Variants in TENM3 observed in about 807,000 individuals in gnomAD.
TENM3 encodes teneurin transmembrane protein 3, also known as teneurin-3.
A neutral mutation model predicts 255.1 loss-of-function variants in TENM3; 63 were observed. That is an observed-to-expected ratio of 0.25 (90% CI 0.20 to 0.30). The LOEUF is 0.30. TENM3 is among the 10% of genes least tolerant of loss of function. The probability of loss-of-function intolerance (pLI) is 1.00; values close to 1 mark genes in which losing one functional copy is unlikely to be tolerated. For missense variants in TENM3, 2,929 were observed against 3,461.1 expected (o/e 0.85, Z 3.86); for synonymous variants, 1,306 against 1,322.3 (o/e 0.99, Z 0.27).
intron 3 of TENM3, among the ~76,000 whole-genome samples, chr4:182,460,302 T>C (rs986086022): frequency 6.6e-6 from 1 of 152,190 alleles, no homozygotes; most frequent in African/African-American, 2.4e-5. Context: ...TATATTAGAC[T>C]TATCTGTTTA....
chr4:182,709,244 A>T (rs1758563215), intron 12 of TENM3, among the ~76,000 whole-genome samples: 1 of 152,046 alleles, frequency 6.6e-6, no homozygotes, highest in Non-Finnish European at 1.5e-5. Flanking sequence ...CAGCCTCCCA[A>T]AGTGCAAAGA....
rs142042668 is a variant in TENM3 at position 182,766,847 on chromosome 4, G to A, written c.4893-6625G>A. Among the ~76,000 whole-genome samples, 313 of 152,232 alleles carry A rather than the reference G, an allele frequency of 2.1e-3. 2 individuals are homozygous for A. The highest frequency in any genetic ancestry group is 7.4e-3 in the African/African-American group (306 of 41,542). ...CATCAGCAAGACCTCCTAATTAAATGCAGCAGCAACAAAGACATTCGCATT... is the reference window on the plus strand; with the variant it reads ...CATCAGCAAGACCTCCTAATTAAATACAGCAGCAACAAAGACATTCGCATT... On this transcript the variant is annotated intron_variant, in intron 22 of 27. Transcript: ENST00000511685.
intron 12 of TENM3, among the ~76,000 whole-genome samples, chr4:182,708,587 C>G: frequency 6.6e-6 from 1 of 152,102 alleles, no homozygotes; most frequent in East Asian, 1.9e-4. Flanking sequence ...ATCATGAGGT[C>G]AGGAGATCGA....
intron 4 of TENM3, among the ~76,000 whole-genome samples, chr4:182,608,043 C>A (rs781248382): frequency 3.9e-5 from 6 of 152,198 alleles, no homozygotes; most frequent in Non-Finnish European, 5.9e-5. Context: ...CTCTTCCTCT[C>A]GAGCAACTGT....
the TENM3 span, among the ~76,000 whole-genome samples, chr4:181,743,562 G>A: frequency 6.6e-6 from 1 of 152,124 alleles, no homozygotes; most frequent in East Asian, 1.9e-4. Context: ...GAAAGAAGCT[G>A]ATGCAAATGC....
chr4:182,271,840 TA>T (rs1274653825), intron 1 of TENM3, among the ~76,000 whole-genome samples: 1 of 152,228 alleles, frequency 6.6e-6, no homozygotes, highest in Non-Finnish European at 1.5e-5. Flanking sequence ...CAGGAGGGTC[TA>T]AAAGTCTAAT....
the TENM3 span, among the ~76,000 whole-genome samples, chr4:182,091,526 G>A: frequency 3.3e-5 from 5 of 152,164 alleles, no homozygotes; most frequent in Non-Finnish European, 5.9e-5. Context: ...CAAAGGAGGA[G>A]ACCTGCGTAC....
intron 24 of TENM3, 110 bp downstream of exon 24, chr4:182,775,263 G>A (rs1166457000): frequency 1.1e-6 from 1 of 934,854 alleles, no homozygotes. Context: ...CACTGAGTAT[G>A]AGCACCTCGC....
At chr4:182,725,895 C>G (rs1288296694) in intron 13 of TENM3, among the ~76,000 whole-genome samples, 2 of 152,118 alleles carry the variant, frequency 1.3e-5, no homozygotes, top group African/African-American at 4.8e-5. Flanking sequence ...GCCTCGGCCT[C>G]CCAAAGTGCT....
chr4:181,512,807 G>A, the TENM3 span, among the ~76,000 whole-genome samples: 1 of 152,172 alleles, frequency 6.6e-6, no homozygotes, highest in Non-Finnish European at 1.5e-5. Context: ...CAGTTCCTAT[G>A]TAATGCATCA....
At chr4:181,813,381 T>C in the TENM3 span, among the ~76,000 whole-genome samples, 1 of 152,114 alleles carries the variant, frequency 6.6e-6, no homozygotes, top group Non-Finnish European at 1.5e-5. Flanking sequence ...CAGTTAACAA[T>C]CAAGCACGTT....
chr4:182,642,207 G>A (rs949384982), intron 5 of TENM3, among the ~76,000 whole-genome samples: 9 of 152,168 alleles, frequency 5.9e-5, no homozygotes, highest in Non-Finnish European at 1.0e-4. Context: ...ATTGGAGGAT[G>A]AATCCTTCTT....
chr4:182,645,289 A>G (rs1159803866), intron 5 of TENM3, among the ~76,000 whole-genome samples: 2 of 152,050 alleles, frequency 1.3e-5, no homozygotes, highest in African/African-American at 4.8e-5. Flanking sequence ...AGTTTGAAGT[A>G]TAGCCCAGTC....
intron 13 of TENM3, among the ~76,000 whole-genome samples, chr4:182,720,203 A>T (rs1455166907): frequency 6.6e-6 from 1 of 152,220 alleles, no homozygotes; most frequent in Non-Finnish European, 1.5e-5. Flanking sequence ...AGAGATCTAT[A>T]TTTGTAGATT....
chr4:181,562,976 T>G, the TENM3 span, among the ~76,000 whole-genome samples: 20 of 152,186 alleles, frequency 1.3e-4, no homozygotes, highest in Non-Finnish European at 2.5e-4. Flanking sequence ...TGCCGGGCCC[T>G]TCTTAGGGCC....
chr4:182,497,461 A>G (rs1735886432), intron 3 of TENM3, among the ~76,000 whole-genome samples: 1 of 152,228 alleles, frequency 6.6e-6, no homozygotes, highest in Non-Finnish European at 1.5e-5. Flanking sequence ...GAATTTAAGT[A>G]TAGTGTGTCT....
At chr4:182,701,209 A>ATTTTTTTTTTTTTTT (rs1561129558) in intron 12 of TENM3, among the ~76,000 whole-genome samples, 1 of 23,858 alleles carries the variant, frequency 4.2e-5, no homozygotes, top group African/African-American at 1.8e-4. Context: ...CCAACTCTTG[A>ATTTTTTTTTTTTTTT]CTTTTTTTTT....
chr4:182,480,698 T>G (rs114633921), intron 3 of TENM3, among the ~76,000 whole-genome samples: 2,552 of 152,138 alleles, frequency 0.017, 94 homozygotes, highest in African/African-American at 0.058. Flanking sequence ...TCATTTTAAT[T>G]TTTCTTTTTT....
chr4:182,327,947 G>A (rs1763515336), intron 2 of TENM3, among the ~76,000 whole-genome samples: 1 of 152,152 alleles, frequency 6.6e-6, no homozygotes, highest in South Asian at 2.1e-4. Context: ...ATGTTCTGTA[G>A]TATTCTTGAC....
Sources: gnomAD v4.1 joint callset for allele counts (sites outside exome capture counted in the v4.1 genomes callset) on GRCh38, gnomAD v4.1.1 for gene constraint, MANE v1.5 for transcripts, NCBI Gene and HGNC (gene_info 2026-07-23, HGNC 2026-07-21) for gene names.